PXDNL: variants seen among roughly 807,000 people sequenced by gnomAD.
PXDNL encodes peroxidasin like.
A neutral mutation model predicts 150.8 loss-of-function variants in PXDNL; 145 were observed. That is an observed-to-expected ratio of 0.96 (90% CI 0.84 to 1.10). PXDNL has a LOEUF of 1.10. Ranked by LOEUF, PXDNL falls within the 50% of genes least tolerant of loss-of-function variation. PXDNL has a pLI of 0.00. For synonymous variants in PXDNL, 757 were observed against 725.7 expected (o/e 1.04, Z -0.69); for missense variants, 2,087 against 1,873.9 (o/e 1.11, Z -2.10).
At chr8:51,464,225 G>A (rs1436117522) in intron 8 of PXDNL, among the ~76,000 whole-genome samples, 1 of 152,082 alleles carries the variant, frequency 6.6e-6, no homozygotes, top group African/African-American at 2.4e-5. Context: ...TTAGCTGGGT[G>A]TGCTGGCATG....
chr8:51,347,916 A>C (rs1467551452), intron 19 of PXDNL, among the ~76,000 whole-genome samples: 1 of 152,198 alleles, frequency 6.6e-6, no homozygotes, highest in Non-Finnish European at 1.5e-5. Context: ...AAAAAAATAC[A>C]TAGAAATATT....
At chr8:51,454,905 C>A (rs1049281395) in intron 9 of PXDNL, among the ~76,000 whole-genome samples, 2 of 151,946 alleles carry the variant, frequency 1.3e-5, no homozygotes, top group African/African-American at 4.8e-5. Flanking sequence ...AGAATTGTCT[C>A]AGAGTTAGGT....
At chr8:51,599,383 T>C (rs1396049331) in intron 2 of PXDNL, among the ~76,000 whole-genome samples, 1 of 151,904 alleles carries the variant, frequency 6.6e-6, no homozygotes, top group Admixed American at 6.6e-5. Flanking sequence ...GCTCTCAACT[T>C]TCCTCTTAAC....
chr8:51,512,836 G>A (rs1811450790), intron 4 of PXDNL, among the ~76,000 whole-genome samples: 1 of 152,142 alleles, frequency 6.6e-6, no homozygotes, highest in Admixed American at 6.5e-5. Flanking sequence ...ATAAAAAAGA[G>A]TCTGAAATCT....
chr8:51,729,922 A>G (rs1816885147), intron 1 of PXDNL, among the ~76,000 whole-genome samples: 1 of 152,254 alleles, frequency 6.6e-6, no homozygotes, highest in African/African-American at 2.4e-5. Flanking sequence ...ATTCAGGAAA[A>G]GGCAAAACTA....
chr8:51,758,338 G>A (rs1472697290), intron 1 of PXDNL, among the ~76,000 whole-genome samples: 1 of 152,156 alleles, frequency 6.6e-6, no homozygotes, highest in Non-Finnish European at 1.5e-5. Flanking sequence ...CAAATTCCAT[G>A]CTAATGTATG....
intron 5 of PXDNL, among the ~76,000 whole-genome samples, chr8:51,492,958 A>G (rs1215637641): frequency 6.6e-6 from 1 of 152,206 alleles, no homozygotes; most frequent in Non-Finnish European, 1.5e-5. Flanking sequence ...ACCCAGCTGG[A>G]GACCTGAGAA....
intron 4 of PXDNL, among the ~76,000 whole-genome samples, chr8:51,518,410 C>CAT (rs143039858): frequency 1.9e-4 from 29 of 151,512 alleles, no homozygotes; most frequent in African/African-American, 4.1e-4. Flanking sequence ...AAAACATATG[C>CAT]ATATATATAT....
chr8:51,607,317 C>G (rs996495118), intron 2 of PXDNL, among the ~76,000 whole-genome samples: 5 of 152,176 alleles, frequency 3.3e-5, no homozygotes, highest in African/African-American at 1.2e-4. Flanking sequence ...TTAATTGGCA[C>G]TAATAGAAGT....
At chr8:51,400,867 A>G (rs1487796278) in intron 17 of PXDNL, among the ~76,000 whole-genome samples, 1 of 152,238 alleles carries the variant, frequency 6.6e-6, no homozygotes, top group Non-Finnish European at 1.5e-5. Context: ...ATTGGTAGGA[A>G]TAAGTGTAAA....
chr8:51,786,409 A>C (rs1279060586), intron 1 of PXDNL, among the ~76,000 whole-genome samples: 3 of 152,130 alleles, frequency 2.0e-5, no homozygotes, highest in African/African-American at 7.2e-5. Flanking sequence ...GGATTTCACC[A>C]TGTTGGCCAG....
intron 11 of PXDNL, 33 bp downstream of exon 11, chr8:51,448,969 T>C: frequency 8.7e-7 from 1 of 1,152,740 alleles, no homozygotes; most frequent in South Asian, 1.3e-5. Flanking sequence ...GGCACTTATT[T>C]TTCCCCACAA....
intron 18 of PXDNL, among the ~76,000 whole-genome samples, chr8:51,373,943 A>C (rs1807215252): frequency 6.6e-6 from 1 of 152,230 alleles, no homozygotes; most frequent in South Asian, 2.1e-4. Flanking sequence ...GGAACAGTAA[A>C]CAGATTACGT....
chr8:51,625,267 A>G (rs983778239), intron 2 of PXDNL, among the ~76,000 whole-genome samples: 3 of 152,126 alleles, frequency 2.0e-5, no homozygotes, highest in African/African-American at 7.2e-5. Context: ...GACAAAAGCA[A>G]GCTAAGACTC....
intron 1 of PXDNL, among the ~76,000 whole-genome samples, chr8:51,802,625 T>C (rs2037633254): frequency 6.6e-6 from 1 of 152,242 alleles, no homozygotes; most frequent in Admixed American, 6.5e-5. Context: ...GTGTCATTTG[T>C]TGTGGCTACT....
At position 51,744,111 on chromosome 8, in the gene PXDNL, A is replaced by G. The variant is rs1182475727; in HGVS notation, c.164+65070T>C. Among the ~76,000 whole-genome samples the G allele has an allele frequency of 5.3e-4, 73 of 138,728 alleles. 2 individuals carry two copies. The highest frequency in any genetic ancestry group is 1.5e-3 in the South Asian group (6 of 3,904). 91.0% of individuals were successfully genotyped at this position (138,728 alleles called of 152,430 possible). A position where few individuals can be genotyped will look rare whatever the true frequency, so the allele number is the denominator to read the frequency against. ...GAAGGAAGGAAAGAAAGAAAGAAAG[A>G]AAGAAAGAAAGGAAGAAAGAGAAAG... On this transcript the variant is annotated intron_variant, in intron 1 of 22. Coordinates refer to ENST00000356297, the MANE Select transcript of PXDNL (RefSeq NM_144651.5).
intron 1 of PXDNL, among the ~76,000 whole-genome samples, chr8:51,749,021 A>T (rs2037015137): frequency 6.6e-6 from 1 of 152,194 alleles, no homozygotes; most frequent in Admixed American, 6.5e-5. Flanking sequence ...TGATAGGATA[A>T]ATTTAGCCAA....
At chr8:51,380,003 C>T (rs568323950) in intron 17 of PXDNL, among the ~76,000 whole-genome samples, 71 of 152,004 alleles carry the variant, frequency 4.7e-4, no homozygotes, top group African/African-American at 1.5e-3. Context: ...ATTCTATTGT[C>T]TTAATTACTA....
At chr8:51,634,994 A>G (rs936500027) in intron 2 of PXDNL, among the ~76,000 whole-genome samples, 3 of 152,022 alleles carry the variant, frequency 2.0e-5, no homozygotes, top group African/African-American at 7.2e-5. Context: ...GATTTCTCTG[A>G]ATAGGACTTT....
Sources: gnomAD v4.1 joint callset for allele counts (sites outside exome capture counted in the v4.1 genomes callset) on GRCh38, gnomAD v4.1.1 for gene constraint, MANE v1.5 for transcripts, NCBI Gene and HGNC (gene_info 2026-07-23, HGNC 2026-07-21) for gene names.